The following SDK1 variants were observed in gnomAD, a reference collection of about 807,000 sequenced individuals.
SDK1 encodes the protein sidekick cell adhesion molecule 1.
SDK1 carries 157 observed loss-of-function variants against 245.5 expected under a neutral mutation model. The observed-to-expected ratio is 0.64, with a 90% CI of 0.56 to 0.73. The LOEUF is 0.73. SDK1 is among the 30% of genes least tolerant of loss of function. SDK1 has a pLI of 0.00. For synonymous variants in SDK1, 1,647 were observed against 1,278.5 expected (o/e 1.29, Z -6.15); for missense variants, 3,583 against 3,002.3 (o/e 1.19, Z -4.52).
At chr7:3,576,382 C>T (rs999096056) in intron 1 of SDK1, among the ~76,000 whole-genome samples, 1 of 152,046 alleles carries the variant, frequency 6.6e-6, no homozygotes, top group Non-Finnish European at 1.5e-5. Flanking sequence ...GTGAGATAAG[C>T]TGTGTGTTAC....
At chr7:3,524,721 T>C (rs59932157) in intron 1 of SDK1, among the ~76,000 whole-genome samples, 5,492 of 152,254 alleles carry the variant, frequency 0.036, 352 homozygotes, top group African/African-American at 0.13. Context: ...ATGTTCACTT[T>C]GAGAAGTCTG....
intron 1 of SDK1, among the ~76,000 whole-genome samples, chr7:3,480,914 C>A (rs927529978): frequency 1.3e-5 from 2 of 152,154 alleles, no homozygotes; most frequent in Non-Finnish European, 2.9e-5. Context: ...GTACATCTTT[C>A]TTCCTTCTTT....
intron 4 of SDK1, among the ~76,000 whole-genome samples, chr7:3,685,739 C>T (rs1562370372): frequency 6.6e-6 from 1 of 151,938 alleles, no homozygotes; most frequent in African/African-American, 2.4e-5. Flanking sequence ...CATTGTGATA[C>T]CCATATAACC....
intron 35 of SDK1, among the ~76,000 whole-genome samples, chr7:4,196,546 G>A (rs1161280483): frequency 1.3e-5 from 2 of 152,024 alleles, no homozygotes; most frequent in Non-Finnish European, 2.9e-5. Context: ...TGCTCTCCAC[G>A]CCGTAACTCT....
chr7:3,950,640 A>G (rs1176514902), intron 5 of SDK1, among the ~76,000 whole-genome samples: 7 of 152,218 alleles, frequency 4.6e-5, no homozygotes, highest in African/African-American at 7.2e-5. Flanking sequence ...TTATGTTCCA[A>G]TAAACCCACC....
At chr7:3,809,578 A>T (rs1247800711) in intron 4 of SDK1, among the ~76,000 whole-genome samples, 3 of 152,242 alleles carry the variant, frequency 2.0e-5, no homozygotes, top group African/African-American at 7.2e-5. Flanking sequence ...AAGAGGAACA[A>T]ATGTGGTGAC....
At chr7:3,427,689 C>A (rs1050528669) in intron 1 of SDK1, among the ~76,000 whole-genome samples, 3 of 151,954 alleles carry the variant, frequency 2.0e-5, no homozygotes, top group Admixed American at 6.6e-5. Context: ...ATCAGTTTCC[C>A]GTATTTCATC....
chr7:4,200,648 A>G lies in SDK1; in HGVS notation c.5099-5231A>G, dbSNP rs1200950401. Among the ~76,000 whole-genome samples the G allele has an allele frequency of 2.6e-5, 4 of 152,216 alleles. No homozygotes were observed. The South Asian group carries it at 6.2e-4, about 24-fold the overall frequency. ...GGGCCTCTCCATGGGGCCTCTCACAACATGGCAGCTGGCTTCCTTAGCATG... is the reference window on the plus strand; with the variant it reads ...GGGCCTCTCCATGGGGCCTCTCACAGCATGGCAGCTGGCTTCCTTAGCATG... On this transcript the variant is annotated intron_variant, in intron 35 of 44. Transcript: ENST00000404826.
intron 1 of SDK1, among the ~76,000 whole-genome samples, chr7:3,542,516 G>C (rs915671763): frequency 1.3e-5 from 2 of 152,202 alleles, no homozygotes; most frequent in Non-Finnish European, 2.9e-5. Flanking sequence ...TGTGTGCCAA[G>C]CATAGGATCA....
chr7:3,568,907 A>T (rs73296281), intron 1 of SDK1, among the ~76,000 whole-genome samples: 1 of 152,160 alleles, frequency 6.6e-6, no homozygotes, highest in African/African-American at 2.4e-5. Context: ...CAAAGGAATT[A>T]TAGGCAATTT....
intron 17 of SDK1, among the ~76,000 whole-genome samples, chr7:4,019,069 C>A (rs1192019079): frequency 6.6e-6 from 1 of 152,170 alleles, no homozygotes; most frequent in Non-Finnish European, 1.5e-5. Context: ...AAGCACCTCC[C>A]AGTGCCTTCT....
rs1189534452 is a variant in SDK1 at position 3,486,330 on chromosome 7, A to G, written c.299-132750A>G. ...TCTTTTTTCTTAGTTAGACTTGGCAAAACTTAGCCAGTTTTATGGGTCATT... is the reference window on the plus strand; with the variant it reads ...TCTTTTTTCTTAGTTAGACTTGGCAGAACTTAGCCAGTTTTATGGGTCATT... On this transcript the variant is annotated intron_variant, in intron 1 of 44. Transcript: ENST00000404826. 3.9e-5 allele frequency among the ~76,000 whole-genome samples: 6 copies of G among 152,112 alleles called. No individual in the cohort carries two copies. The East Asian group carries it at 1.2e-3, about 29-fold the overall frequency.
chr7:3,303,380 A>G (rs1213993849), intron 1 of SDK1, among the ~76,000 whole-genome samples: 2 of 152,172 alleles, frequency 1.3e-5, no homozygotes, highest in Non-Finnish European at 2.9e-5. Context: ...CTGTACGTTC[A>G]TACATTTGAA....
At chr7:3,407,076 T>C (rs1779074023) in intron 1 of SDK1, among the ~76,000 whole-genome samples, 1 of 152,168 alleles carries the variant, frequency 6.6e-6, no homozygotes, top group South Asian at 2.1e-4. Context: ...GCTCTGTCTC[T>C]CCCTTACTAG....
At chr7:3,639,841 G>A (rs1782595178) in intron 3 of SDK1, among the ~76,000 whole-genome samples, 1 of 150,170 alleles carries the variant, frequency 6.7e-6, no homozygotes, top group African/African-American at 2.5e-5. Flanking sequence ...TCATATATAT[G>A]TTATATATAT....
intron 4 of SDK1, among the ~76,000 whole-genome samples, chr7:3,774,256 A>T (rs1780487377): frequency 6.6e-6 from 1 of 151,110 alleles, no homozygotes. Flanking sequence ...TTTAAATCTC[A>T]TGGAAGTCAC....
At chr7:3,722,837 A>G (rs964830284) in intron 4 of SDK1, among the ~76,000 whole-genome samples, 6 of 152,120 alleles carry the variant, frequency 3.9e-5, no homozygotes, top group Non-Finnish European at 7.4e-5. Flanking sequence ...TCACAGGGCC[A>G]TCTGACCACT....
chr7:3,525,748 T>A (rs538874528), intron 1 of SDK1, among the ~76,000 whole-genome samples: 1 of 152,162 alleles, frequency 6.6e-6, no homozygotes, highest in Non-Finnish European at 1.5e-5. Flanking sequence ...TTATTTCCTG[T>A]CTCCATTGTA....
intron 19 of SDK1, among the ~76,000 whole-genome samples, chr7:4,059,246 G>C (rs1237824751): frequency 6.6e-6 from 1 of 152,198 alleles, no homozygotes; most frequent in Admixed American, 6.5e-5. Flanking sequence ...TGAAAGTAAA[G>C]AGATGGAAAA....
Sources: gnomAD v4.1 joint callset for allele counts (sites outside exome capture counted in the v4.1 genomes callset) on GRCh38, gnomAD v4.1.1 for gene constraint, MANE v1.5 for transcripts, NCBI Gene and HGNC (gene_info 2026-07-23, HGNC 2026-07-21) for gene names.